Variants in LAIR1 observed in about 807,000 individuals in gnomAD.
LAIR1 encodes leukocyte-associated immunoglobulin-like receptor 1.
Under a neutral mutation model 32.8 loss-of-function variants are expected in LAIR1, and 24 were observed. The ratio of observed to expected loss-of-function variants is 0.73; its 90% confidence interval spans 0.53 to 1.03. LAIR1 has a LOEUF of 1.03. LAIR1 is among the 50% of genes least tolerant of loss of function. The pLI, the probability that LAIR1 is intolerant of heterozygous loss-of-function variation, is 0.00. For synonymous variants in LAIR1, 150 were observed against 140.5 expected (o/e 1.07, Z -0.48); for missense variants, 355 against 347.5 (o/e 1.02, Z -0.17).
upstream of LAIR1, among the ~76,000 whole-genome samples, chr19:54,373,436 T>G (rs2082454187): frequency 6.6e-6 from 1 of 151,640 alleles, no homozygotes; most frequent in Non-Finnish European, 1.5e-5. Context: ...AGAGCGAGAC[T>G]CCGTCTCAAA....
At chr19:54,368,922 G>C (rs1442850402), upstream of LAIR1, among the ~76,000 whole-genome samples, 1 of 151,058 alleles carries the variant, frequency 6.6e-6, no homozygotes, top group Admixed American at 6.6e-5. Context: ...CCCGACCTCA[G>C]GTGATCCGCC....
At chr19:54,362,183 T>C (rs2082056599) in intron 2 of LAIR1, among the ~76,000 whole-genome samples, 1 of 152,180 alleles carries the variant, frequency 6.6e-6, no homozygotes, top group Non-Finnish European at 1.5e-5. Context: ...ATTTAAAATC[T>C]GCCCTCTTAG....
Position 54,355,205 on chromosome 19 carries a change from T to A in LAIR1, c.*63A>T. ...TCCAACAGGAAGCCTTCCAAATGGC[T>A]GCTTCAGGCTTTTCCTAGAGTGACT... On this transcript the variant is annotated 3_prime_UTR_variant, in exon 10 of 10. Transcript: ENST00000391742. The surrounding 1 kb of genome is among the most constrained non-coding windows in gnomAD (Gnocchi z 4.7). 7.0e-7 allele frequency: 1 copy of A among 1,434,692 alleles called. No individual in the cohort carries two copies. The highest frequency in any genetic ancestry group is 1.9e-4 in the Middle Eastern group (1 of 5,380). The allele number at this position is 1,434,692 out of a possible 1,614,324, so 88.9% of individuals were successfully genotyped here. A position where few individuals can be genotyped will look rare whatever the true frequency, so the allele number is the denominator to read the frequency against.
At position 54,361,011 on chromosome 19, in the gene LAIR1, G is replaced by C; in HGVS notation, c.269C>G (p.Ser90Ter). Residue 90 changes from serine (S) to a stop codon, truncating the protein, a stop_gained, in exon 3 of 10, where the codon TCA (serine) becomes TGA (stop). Transcript: ENST00000391742. LOFTEE classifies it high-confidence loss of function. ...SESEARFRIDSVREGNAGLYR... is the reference protein window; with the variant it reads ...SESEARFRID ...AAGCCCGGCATTTCCTTCTCTTACT[G>C]AGTCAATGCGGAATCTGGCCTCTGA... The C allele has an allele frequency of 6.2e-7, 1 of 1,614,120 alleles. No homozygotes were observed. The highest frequency in any genetic ancestry group is 8.5e-7 in the Non-Finnish European group (1 of 1,179,952).
upstream of LAIR1, among the ~76,000 whole-genome samples, chr19:54,365,686 G>A (rs2082229412): frequency 6.6e-6 from 1 of 151,880 alleles, no homozygotes; most frequent in Non-Finnish European, 1.5e-5. Flanking sequence ...GAAGGTTGAG[G>A]CAGGAGAATC....
chr19:54,360,861 G>A, intron 3 of LAIR1, 55 bp downstream of exon 3: 2 of 1,557,044 alleles, frequency 1.3e-6, no homozygotes, highest in East Asian at 2.2e-5. Context: ...AGGGACCTGG[G>A]GACAAGCTCG....
chr19:54,355,968 C>T lies in LAIR1; in HGVS notation c.703G>A (p.Glu235Lys), dbSNP rs1569185088. The T allele has an allele frequency of 1.9e-6, 3 of 1,607,314 alleles. No homozygotes were observed. Among genetic ancestry groups the T allele is most frequent in the Non-Finnish European group, 2.6e-6 (3 of 1,173,634 alleles). Reference sequence around the variant, plus strand: ...GGAAGGCTCACCGAGGTGTCCGTCTCTCTGTCCTTCTCAGGAAGTCCATTG... The same window carrying T: ...GGAAGGCTCACCGAGGTGTCCGTCTTTCTGTCCTTCTCAGGAAGTCCATTG... ...TVNGLPEKDR[E>K]TDTSALAAGS... Residue 235 changes from glutamate (E) to lysine (K), a missense_variant, in exon 9 of 10, where the codon GAG (glutamate) becomes AAG (lysine). Physicochemically the swap from Glu to Lys is moderately conservative, Grantham distance 56 (BLOSUM62 1). Transcript: ENST00000391742. This position sits in a 1 kb window ranked among gnomAD's most constrained non-coding sequence, Gnocchi z 4.7.
chr19:54,370,173 G>A (rs3852907), intron 1 of LAIR1: 92,553 of 661,104 alleles, frequency 0.14, 8,601 homozygotes, highest in East Asian at 0.39. Context: ...ATTGGCTCAC[G>A]TTTCTGTGCC....
chr19:54,368,969 G>A (rs1426295339), upstream of LAIR1, among the ~76,000 whole-genome samples: 3 of 151,182 alleles, frequency 2.0e-5, no homozygotes, highest in East Asian at 1.9e-4. Flanking sequence ...TTACAGGCGT[G>A]AGCCACTGCA....
chr19:54,364,822 T>C lies in LAIR1; in HGVS notation c.-18A>G, dbSNP rs2082193670. The C allele has an allele frequency of 1.2e-6, 2 of 1,613,986 alleles. No homozygotes were observed. The highest frequency in any genetic ancestry group is 2.2e-5 in the South Asian group (2 of 91,076). On this transcript the variant is annotated 5_prime_UTR_variant, in exon 1 of 10. Transcript: ENST00000391742. The surrounding 1 kb of genome is among the most constrained non-coding windows in gnomAD (Gnocchi z 4.8). ...GGAGACATGGCCCAGGTCCCAGCAGTGCAGCCTGGCCTGAGGCGCACCAAT... is the reference window on the plus strand; with the variant it reads ...GGAGACATGGCCCAGGTCCCAGCAGCGCAGCCTGGCCTGAGGCGCACCAAT...
upstream of LAIR1, among the ~76,000 whole-genome samples, chr19:54,375,177 T>C (rs2082479141): frequency 6.6e-6 from 1 of 152,150 alleles, no homozygotes; most frequent in South Asian, 2.1e-4. Flanking sequence ...TGCTCCCTCT[T>C]CGATCGCTAA....
At position 54,355,232 on chromosome 19, in the gene LAIR1, T is replaced by C. The variant is rs775923414; in HGVS notation, c.*36A>G. Reference sequence around the variant, plus strand: ...CTTCAGGCTTTTCCTAGAGTGACTTTCTACCCTCAGGTGCAGAGGCCAGGT... The same window carrying C: ...CTTCAGGCTTTTCCTAGAGTGACTTCCTACCCTCAGGTGCAGAGGCCAGGT... On this transcript the variant is annotated 3_prime_UTR_variant, in exon 10 of 10. Transcript: ENST00000391742. This position sits in a 1 kb window ranked among gnomAD's most constrained non-coding sequence, Gnocchi z 4.7. 4 of 1,521,792 alleles carry C rather than the reference T, an allele frequency of 2.6e-6. No individual in the cohort carries two copies. The Admixed American group carries it at 8.3e-5, about 31-fold the overall frequency. 94.3% of individuals were successfully genotyped at this position (1,521,792 alleles called of 1,614,324 possible).
intron 1 of LAIR1, chr19:54,370,223 A>G (rs1396460635): frequency 8.2e-7 from 1 of 1,216,194 alleles, no homozygotes; most frequent in East Asian, 2.6e-5. Flanking sequence ...TGTTCAGCCA[A>G]AAAAGCAACC....
chr19:54,365,889 T>C (rs570108764), upstream of LAIR1, among the ~76,000 whole-genome samples: 1 of 152,204 alleles, frequency 6.6e-6, no homozygotes, highest in South Asian at 2.1e-4. Flanking sequence ...TGTCCATTGA[T>C]AGAATAATTG....
intron 4 of LAIR1, among the ~76,000 whole-genome samples, chr19:54,358,795 A>C (rs930175558): frequency 1.3e-5 from 2 of 151,420 alleles, no homozygotes; most frequent in African/African-American, 4.9e-5. Context: ...TTTGGGACAC[A>C]GGAGGTTTGG....
Position 54,364,601 on chromosome 19 carries a change from C to T in LAIR1, c.34+170G>A, listed in dbSNP as rs546543908. The T allele has an allele frequency of 4.8e-6, 4 of 838,002 alleles. No individual in the cohort carries two copies. The South Asian group carries it at 5.5e-5, about 11-fold the overall frequency. The allele number at this position is 838,002 out of a possible 1,614,324, so 51.9% of individuals were successfully genotyped here. A position where few individuals can be genotyped will look rare whatever the true frequency, so the allele number is the denominator to read the frequency against. On this transcript the variant is annotated intron_variant, in intron 1 of 9. Transcript: ENST00000391742. This position sits in a 1 kb window ranked among gnomAD's most constrained non-coding sequence, Gnocchi z 4.8. ...CACACCCGGGCCCCTGTTTTTAGGA[C>T]AAGATCTTCTCTGATCAGACTTAGG...
rs2081578318 is a variant in LAIR1 at position 54,353,563 on chromosome 19, T to A, written c.*1705A>T. 6.6e-6 allele frequency: 1 copy of A among 152,044 alleles called. No individual in the cohort carries two copies. Among genetic ancestry groups the A allele is most frequent in the Non-Finnish European group, 1.5e-5 (1 of 68,016 alleles). 9.4% of individuals were successfully genotyped at this position (152,044 alleles called of 1,614,324 possible). A position where few individuals can be genotyped will look rare whatever the true frequency, so the allele number is the denominator to read the frequency against. ...ACTTGGCCGACCTTGGACAGGTTACTTCATGTCTCGGTCCATAGTTTCTGT... is the reference window on the plus strand; with the variant it reads ...ACTTGGCCGACCTTGGACAGGTTACATCATGTCTCGGTCCATAGTTTCTGT... On this transcript the variant is annotated 3_prime_UTR_variant, in exon 10 of 10. Coordinates refer to ENST00000391742, the MANE Select transcript of LAIR1 (RefSeq NM_002287.6).
intron 2 of LAIR1, among the ~76,000 whole-genome samples, chr19:54,362,531 A>C (rs1392631641): frequency 6.6e-6 from 1 of 152,154 alleles, no homozygotes; most frequent in Non-Finnish European, 1.5e-5. Context: ...GTCACCCAGG[A>C]TGGAGTGCAG....
chr19:54,366,659 T>G (rs7251679), upstream of LAIR1, among the ~76,000 whole-genome samples: 18,347 of 151,916 alleles, frequency 0.12, 2,385 homozygotes, highest in African/African-American at 0.31. Context: ...CGGCTAATTT[T>G]TTGTATTTTT....
Sources: allele counts gnomAD v4.1 joint callset (sites outside exome capture counted in the v4.1 genomes callset), GRCh38; gene constraint gnomAD v4.1.1; non-coding constraint Gnocchi (gnomAD v3.1); transcripts MANE v1.5; gene names NCBI Gene and HGNC (gene_info 2026-07-23, HGNC 2026-07-21).